The following DUSP10 variants were observed in gnomAD, a reference collection of about 807,000 sequenced individuals.
The protein encoded by DUSP10 is dual specificity phosphatase 10.
In DUSP10, 14 loss-of-function variants were observed where a neutral mutation model predicts 30.8. That is an observed-to-expected ratio of 0.46 (90% CI 0.30 to 0.71). DUSP10 has a LOEUF of 0.71. Ranked by LOEUF, DUSP10 falls within the 30% of genes least tolerant of loss-of-function variation. The pLI, the probability that DUSP10 is intolerant of heterozygous loss-of-function variation, is 0.08. For synonymous variants in DUSP10, 254 were observed against 250.4 expected, an observed-to-expected ratio of 1.01 and a Z score of -0.14; for missense variants, 550 against 619.4, an observed-to-expected ratio of 0.89 and a Z score of 1.19.
chr1:221,714,578 T>C (rs1661040327), intron 2 of DUSP10, among the ~76,000 whole-genome samples: 1 of 152,160 alleles, frequency 6.6e-6, no homozygotes, highest in Non-Finnish European at 1.5e-5. Flanking sequence ...TGTGTAAACC[T>C]CACACCTGAT....
chr1:221,717,440 G>A (rs546860691), intron 2 of DUSP10, among the ~76,000 whole-genome samples: 1 of 142,158 alleles, frequency 7.0e-6, no homozygotes, highest in Non-Finnish European at 1.5e-5. Flanking sequence ...AAGAAAAGAG[G>A]GGGGAGGGGA....
At chr1:221,716,250 T>G (rs1234080663) in intron 2 of DUSP10, among the ~76,000 whole-genome samples, 1 of 152,226 alleles carries the variant, frequency 6.6e-6, no homozygotes, top group Non-Finnish European at 1.5e-5. Context: ...CACTCATCCC[T>G]GCCAGCCAAA....
chr1:221,706,516 A>G lies in DUSP10; in HGVS notation c.812-50T>C, dbSNP rs201498238. On this transcript the variant is annotated intron_variant, in intron 2 of 3. Transcript: ENST00000366899. This position sits in a 1 kb window ranked among gnomAD's most constrained non-coding sequence, Gnocchi z 4.6. ...GTGTGACTGAGATTTCAGAGCTGGC[A>G]GAGAATGCCACCTCCCCATTAGAAT... The G allele has an allele frequency of 2.2e-6, 3 of 1,393,596 alleles. No individual in the cohort carries two copies. The highest frequency in any genetic ancestry group is 9.4e-7 in the Non-Finnish European group (1 of 1,061,944). 86.3% of individuals were successfully genotyped at this position (1,393,596 alleles called of 1,614,324 possible).
At chr1:221,707,662 G>GT (rs1405244762) in intron 2 of DUSP10, among the ~76,000 whole-genome samples, 2 of 151,964 alleles carry the variant, frequency 1.3e-5, no homozygotes, top group African/African-American at 4.8e-5. Context: ...AATGTTATCT[G>GT]TTTTATATAT....
At position 221,702,534 on chromosome 1, in the gene DUSP10, G is replaced by C; in HGVS notation, c.1327C>G (p.Pro443Ala). 6.2e-7 allele frequency: 1 copy of C among 1,614,118 alleles called. No homozygotes were observed. The highest frequency in any genetic ancestry group is 8.5e-7 in the Non-Finnish European group (1 of 1,180,032). The stretch of plus-strand genomic sequence containing the variant: ...AAGTTAAGGTTTGGGGAGATAATTG[G>C]TCGTTTGCCTTTGACAAATTTATAA... The part of the protein sequence containing the change: ...DAYKFVKGKR[P>A]IISPNLNFMG... Residue 443 changes from proline (P) to alanine (A), a missense_variant, in exon 4 of 4, where the codon CCA (proline) becomes GCA (alanine). Pro to Ala is a conservative substitution (Grantham distance 27). Coordinates refer to ENST00000366899, the MANE Select transcript of DUSP10 (RefSeq NM_007207.6). The surrounding 1 kb of genome is among the most constrained non-coding windows in gnomAD (Gnocchi z 4.5).
At chr1:221,722,556 T>G (rs1480611344) in intron 2 of DUSP10, among the ~76,000 whole-genome samples, 1 of 152,244 alleles carries the variant, frequency 6.6e-6, no homozygotes, top group Non-Finnish European at 1.5e-5. Flanking sequence ...ATTGATTTCT[T>G]TTTGAAAGAG....
At position 221,701,724 on chromosome 1, in the gene DUSP10, A is replaced by G. The variant is rs747631550; in HGVS notation, c.*688T>C. ...CAGCTCTAACTTGTTTGCACACTTA[A>G]AACATCATATTATTGCACAAGAAGC... On this transcript the variant is annotated 3_prime_UTR_variant, in exon 4 of 4. Coordinates refer to ENST00000366899, the MANE Select transcript of DUSP10 (RefSeq NM_007207.6). 9 of 152,442 alleles carry G rather than the reference A, an allele frequency of 5.9e-5. No individual in the cohort carries two copies. The highest frequency in any genetic ancestry group is 2.6e-4 in the Admixed American group (4 of 15,268). 9.4% of individuals were successfully genotyped at this position (152,442 alleles called of 1,614,324 possible).
intron 2 of DUSP10, among the ~76,000 whole-genome samples, chr1:221,734,839 C>T (rs950709273): frequency 1.3e-5 from 2 of 152,110 alleles, no homozygotes; most frequent in Non-Finnish European, 2.9e-5. Context: ...GTAGATATGT[C>T]TTTATTTCAG....
chr1:221,734,037 TC>T (rs1409432854), intron 2 of DUSP10, among the ~76,000 whole-genome samples: 1 of 152,174 alleles, frequency 6.6e-6, no homozygotes, highest in African/African-American at 2.4e-5. Flanking sequence ...ACTCCTTCCC[TC>T]CTTTTTCCTT....
Position 221,739,353 on chromosome 1 carries a change from CT to C in DUSP10, c.391del (p.Ser131ValfsTer14). The C allele has an allele frequency of 6.2e-7, 1 of 1,614,028 alleles. No individual in the cohort carries two copies. The highest frequency in any genetic ancestry group is 8.5e-7 in the Non-Finnish European group (1 of 1,179,960). On this transcript the variant is annotated frameshift_variant, in exon 2 of 4. Coordinates refer to ENST00000366899, the MANE Select transcript of DUSP10 (RefSeq NM_007207.6). LOFTEE classifies it high-confidence loss of function. Reference sequence around the variant, plus strand: ...CCCTGACACAGGGCTGCCCACCCCACTTGATGGACTTAGAGAGCCTGTATTC... The same window carrying C: ...CCCTGACACAGGGCTGCCCACCCCACTGATGGACTTAGAGAGCCTGTATTC... ...NENTGSLSPS[S>X]GVGSPVSGTP...
At chr1:221,723,362 C>G (rs1263494634) in intron 2 of DUSP10, among the ~76,000 whole-genome samples, 1 of 152,238 alleles carries the variant, frequency 6.6e-6, no homozygotes, top group Non-Finnish European at 1.5e-5. Context: ...TTAGCTCTCT[C>G]AGCTGCTGTT....
chr1:221,739,088 C>G lies in DUSP10; in HGVS notation c.657G>C (p.Arg219Ser), dbSNP rs1423422802. ...KITVLDLISC[R>S]EGKDSFKRIF... ...TCCTCTTGAAAGAGTCCTTGCCTTC[C>G]CTACAGGAAATCAAGTCTAGGACAG... The change falls in exon 2 of 4, where the codon AGG becomes AGC. Residue 219 changes from arginine (R) to serine (S), a missense_variant. Coordinates refer to ENST00000366899, the MANE Select transcript of DUSP10 (RefSeq NM_007207.6). The G allele has an allele frequency of 6.2e-7, 1 of 1,614,154 alleles. No individual in the cohort carries two copies. Among genetic ancestry groups the G allele is most frequent in the East Asian group, 2.2e-5 (1 of 44,888 alleles).
At chr1:221,740,415 A>G (rs1661917796) in intron 1 of DUSP10, among the ~76,000 whole-genome samples, 1 of 152,242 alleles carries the variant, frequency 6.6e-6, no homozygotes, top group African/African-American at 2.4e-5. Context: ...CAACATAGTC[A>G]TACTAAAACC....
intron 2 of DUSP10, among the ~76,000 whole-genome samples, chr1:221,727,249 G>A (rs1053527462): frequency 3.3e-5 from 5 of 152,086 alleles, no homozygotes; most frequent in Admixed American, 6.5e-5. Flanking sequence ...CACTATATAC[G>A]CTCCTAAGAA....
chr1:221,733,275 A>G (rs1332174741), intron 2 of DUSP10, among the ~76,000 whole-genome samples: 1 of 152,244 alleles, frequency 6.6e-6, no homozygotes, highest in Non-Finnish European at 1.5e-5. Context: ...GACCAAGTAG[A>G]AAAGTGTACA....
intron 2 of DUSP10, among the ~76,000 whole-genome samples, chr1:221,731,417 G>T (rs1661586761): frequency 6.6e-6 from 1 of 151,860 alleles, no homozygotes; most frequent in Non-Finnish European, 1.5e-5. Context: ...AAATTAGGGG[G>T]TCCAAATTAC....
At chr1:221,724,793 G>A (rs573956185) in intron 2 of DUSP10, among the ~76,000 whole-genome samples, 1 of 152,286 alleles carries the variant, frequency 6.6e-6, no homozygotes, top group Admixed American at 6.5e-5. Context: ...ACTACACCAG[G>A]AAGTCATTCG....
At chr1:221,717,309 G>C (rs987316981) in intron 2 of DUSP10, among the ~76,000 whole-genome samples, 3 of 152,152 alleles carry the variant, frequency 2.0e-5, no homozygotes, top group Non-Finnish European at 4.4e-5. Context: ...AAGGGCTAGA[G>C]GGGAAGGAAG....
chr1:221,736,781 T>C (rs1661786630), intron 2 of DUSP10: 4 of 981,742 alleles, frequency 4.1e-6, no homozygotes, highest in Non-Finnish European at 4.8e-6. Flanking sequence ...CTGAACTACA[T>C]ATTTTCAATG....
Sources: allele counts gnomAD v4.1 joint callset (sites outside exome capture counted in the v4.1 genomes callset), GRCh38; gene constraint gnomAD v4.1.1; non-coding constraint Gnocchi (gnomAD v3.1); transcripts MANE v1.5; gene names NCBI Gene and HGNC (gene_info 2026-07-23, HGNC 2026-07-21).